The following CACNG2 variants were observed in gnomAD, a reference collection of about 807,000 sequenced individuals.
CACNG2 encodes calcium voltage-gated channel auxiliary subunit gamma 2, also known as voltage-dependent calcium channel gamma-2 subunit.
Under a neutral mutation model 25.9 loss-of-function variants are expected in CACNG2, and 3 were observed. The observed-to-expected ratio is 0.12, with a 90% CI of 0.05 to 0.30. The LOEUF is 0.30. Ranked by LOEUF, CACNG2 falls within the 10% of genes least tolerant of loss-of-function variation. CACNG2 has a pLI of 1.00. For synonymous variants in CACNG2, 167 were observed against 173.3 expected, an observed-to-expected ratio of 0.96 and a Z score of 0.29; for missense variants, 341 against 432.5, an observed-to-expected ratio of 0.79 and a Z score of 1.88.
intron 1 of CACNG2, among the ~76,000 whole-genome samples, chr22:36,659,305 G>T (rs1264510971): frequency 6.6e-6 from 1 of 152,146 alleles, no homozygotes; most frequent in African/African-American, 2.4e-5. Context: ...ACAGGGCCAC[G>T]TGGAGTCAGG....
At chr22:36,596,472 C>G (rs1196840654) in intron 1 of CACNG2, among the ~76,000 whole-genome samples, 1 of 151,930 alleles carries the variant, frequency 6.6e-6, no homozygotes, top group Non-Finnish European at 1.5e-5. Context: ...TAGTTTCTTT[C>G]TTTTTTTGTT....
Position 36,653,918 on chromosome 22 carries a change from A to ATT in CACNG2, c.211+48446_211+48447dup, listed in dbSNP as rs35016759. On this transcript the variant is annotated intron_variant, in intron 1 of 3. Coordinates refer to ENST00000300105, the MANE Select transcript of CACNG2 (RefSeq NM_006078.5). ...CTCTTGAAAACATGACAGACGTTAGATTTTTTTTTTTTTTTTTGCTACTCC... is the reference window on the plus strand; with the variant it reads ...CTCTTGAAAACATGACAGACGTTAGATTTTTTTTTTTTTTTTTTTGCTACTCC... Among the ~76,000 whole-genome samples, 142 of 133,008 alleles carry ATT rather than the reference A, an allele frequency of 1.1e-3. 2 individuals are homozygous for ATT. Among genetic ancestry groups the ATT allele is most frequent in the Middle Eastern group, 3.9e-3 (1 of 254 alleles). 87.3% of individuals were successfully genotyped at this position (133,008 alleles called of 152,430 possible). A position where few individuals can be genotyped will look rare whatever the true frequency, so the allele number is the denominator to read the frequency against.
intron 1 of CACNG2, among the ~76,000 whole-genome samples, chr22:36,672,912 T>C (rs1452638838): frequency 6.6e-6 from 1 of 152,212 alleles, no homozygotes; most frequent in East Asian, 1.9e-4. Flanking sequence ...GCTGGGCCCA[T>C]CATGGGACTT....
chr22:36,596,477 T>A (rs1344004781), intron 1 of CACNG2, among the ~76,000 whole-genome samples: 1 of 152,138 alleles, frequency 6.6e-6, no homozygotes, highest in African/African-American at 2.4e-5. Context: ...TCTTTCTTTT[T>A]TTGTTTTTTG....
At chr22:36,604,621 C>T (rs545958734) in intron 1 of CACNG2, among the ~76,000 whole-genome samples, 79 of 152,268 alleles carry the variant, frequency 5.2e-4, no homozygotes, top group Middle Eastern at 6.8e-3. Flanking sequence ...CTATCAACAT[C>T]GAGGCAAGAC....
chr22:36,691,670 C>A (rs1937269551), intron 1 of CACNG2, among the ~76,000 whole-genome samples: 1 of 152,116 alleles, frequency 6.6e-6, no homozygotes, highest in South Asian at 2.1e-4. Context: ...TGACCTGGGG[C>A]AAGTTACTTA....
At chr22:36,601,714 A>C (rs930403078) in intron 1 of CACNG2, among the ~76,000 whole-genome samples, 25 of 152,168 alleles carry the variant, frequency 1.6e-4, no homozygotes, top group African/African-American at 5.5e-4. Context: ...CGAACTCCTG[A>C]CCTTGTGATC....
chr22:36,580,111 G>A (rs1935388684), intron 2 of CACNG2, among the ~76,000 whole-genome samples: 1 of 152,132 alleles, frequency 6.6e-6, no homozygotes, highest in South Asian at 2.1e-4. Flanking sequence ...TAATCCTCAT[G>A]GCAATGCTAG....
chr22:36,687,730 C>T (rs1937219818), intron 1 of CACNG2, among the ~76,000 whole-genome samples: 1 of 152,172 alleles, frequency 6.6e-6, no homozygotes, highest in African/African-American at 2.4e-5. Flanking sequence ...TCTGGGTGGG[C>T]ACGTGGTAAT....
intron 1 of CACNG2, among the ~76,000 whole-genome samples, chr22:36,616,387 A>G (rs1192161536): frequency 6.6e-6 from 1 of 152,144 alleles, no homozygotes; most frequent in East Asian, 1.9e-4. Flanking sequence ...AGACATATTA[A>G]ATACCTGTCT....
chr22:36,566,933 G>A (rs1935137109), intron 2 of CACNG2, among the ~76,000 whole-genome samples: 1 of 152,164 alleles, frequency 6.6e-6, no homozygotes, highest in Admixed American at 6.5e-5. Flanking sequence ...AACCCAGCTC[G>A]AAGTCCCCTC....
Position 36,679,231 on chromosome 22 carries a change from C to CTTTCTTTCTTTCTTTCT in CACNG2, c.211+23134_211+23135insAGAAAGAAAGAAAGAAA, listed in dbSNP as rs1569049917. Reference sequence around the variant, plus strand: ...CTTTCTTTCTTTCTTTCTTTCTTTCCTTCTTTCTTTCTTTCTTTTCTTTAA... The same window carrying CTTTCTTTCTTTCTTTCT: ...CTTTCTTTCTTTCTTTCTTTCTTTCCTTTCTTTCTTTCTTTCTTTCTTTCTTTCTTTCTTTTCTTTAA... On this transcript the variant is annotated intron_variant, in intron 1 of 3. Coordinates refer to ENST00000300105, the MANE Select transcript of CACNG2 (RefSeq NM_006078.5). Among the ~76,000 whole-genome samples, 92 of 86,604 alleles carry CTTTCTTTCTTTCTTTCT rather than the reference C, an allele frequency of 1.1e-3. 3 individuals carry two copies. The highest frequency in any genetic ancestry group is 0.01 in the Middle Eastern group (2 of 192). The allele number at this position is 86,604 out of a possible 152,430, so 56.8% of individuals were successfully genotyped here. A position where few individuals can be genotyped will look rare whatever the true frequency, so the allele number is the denominator to read the frequency against.
intron 1 of CACNG2, among the ~76,000 whole-genome samples, chr22:36,676,250 T>A (rs1030984090): frequency 1.3e-5 from 2 of 152,246 alleles, no homozygotes; most frequent in African/African-American, 4.8e-5. Flanking sequence ...CTTTGCACTT[T>A]GACCTTTCTT....
chr22:36,665,655 A>G (rs188407206), intron 1 of CACNG2, among the ~76,000 whole-genome samples: 8 of 152,362 alleles, frequency 5.3e-5, no homozygotes, highest in African/African-American at 1.9e-4. Flanking sequence ...AAAGCAAGTC[A>G]AAACCACAGC....
chr22:36,684,944 T>C (rs989750076), intron 1 of CACNG2, among the ~76,000 whole-genome samples: 3 of 152,124 alleles, frequency 2.0e-5, no homozygotes, highest in African/African-American at 7.2e-5. Flanking sequence ...GGGAAGAAAG[T>C]AGGGCAGGAA....
chr22:36,638,284 C>T (rs989416240), intron 1 of CACNG2, among the ~76,000 whole-genome samples: 16 of 152,150 alleles, frequency 1.1e-4, no homozygotes, highest in Non-Finnish European at 2.1e-4. Context: ...AGCAGATTGA[C>T]GCAGGTCCCT....
At chr22:36,643,474 GTCTATCTATCTATCTA>G (rs66945856) in intron 1 of CACNG2, among the ~76,000 whole-genome samples, 2,648 of 149,244 alleles carry the variant, frequency 0.018, 57 homozygotes, top group Middle Eastern at 0.092. Context: ...CTATCTGTCT[GTCTATCTATCTATCTA>G]TCTATCTATC....
Position 36,564,878 on chromosome 22 carries a change from T to C in CACNG2, c.445A>G (p.Asn149Asp). 1 of 1,612,914 alleles carries C rather than the reference T, an allele frequency of 6.2e-7. No individual in the cohort carries two copies. The highest frequency in any genetic ancestry group is 1.1e-5 in the South Asian group (1 of 91,080). The part of the protein sequence containing the change: ...GIFFVSAGLS[N>D]IIGIIVYISA... ...ATGTACACTATGATGCCAATGATGT[T>C]ACTCAGACCTGCGGGGCGCAGGGTG... Residue 149 changes from asparagine to aspartate, a missense_variant, in exon 4 of 4, where the codon AAC becomes GAC. By Grantham distance (23) the Asn-to-Asp change is conservative. This residue lies in a region of CACNG2 where 169 missense variants were observed against 254.4 expected (regional missense o/e 0.66). Transcript: ENST00000300105. The surrounding 1 kb of genome is among the most constrained non-coding windows in gnomAD (Gnocchi z 6.7).
chr22:36,649,796 C>A (rs767331493), intron 1 of CACNG2, among the ~76,000 whole-genome samples: 1 of 152,202 alleles, frequency 6.6e-6, no homozygotes, highest in East Asian at 1.9e-4. Flanking sequence ...TTCCCCTGCA[C>A]ACGCTGTCTT....
Sources: gnomAD v4.1 joint callset for allele counts (sites outside exome capture counted in the v4.1 genomes callset) on GRCh38, gnomAD v4.1.1 for gene constraint, gnomAD v4.1.1 regional missense constraint, Gnocchi (gnomAD v3.1) non-coding constraint, MANE v1.5 for transcripts, NCBI Gene and HGNC (gene_info 2026-07-23, HGNC 2026-07-21) for gene names.